Variants in UBE4B observed in about 807,000 individuals in gnomAD.
UBE4B encodes the protein ubiquitination factor E4B, also known as ubiquitin conjugation factor E4 B.
In UBE4B, 27 loss-of-function variants were observed where a neutral mutation model predicts 148.1. The observed-to-expected ratio is 0.18, with a 90% CI of 0.13 to 0.25. The LOEUF is 0.25. UBE4B is among the 10% of genes least tolerant of loss of function. UBE4B has a pLI of 1.00. For synonymous variants in UBE4B, 596 were observed against 619.3 expected, an observed-to-expected ratio of 0.96 and a Z score of 0.56; for missense variants, 1,170 against 1,662.4, an observed-to-expected ratio of 0.70 and a Z score of 5.15.
At chr1:10,082,522 C>T (rs1009103641) in intron 2 of UBE4B, among the ~76,000 whole-genome samples, 1 of 151,578 alleles carries the variant, frequency 6.6e-6, no homozygotes, top group Admixed American at 6.6e-5. Context: ...CAAACAAAAC[C>T]ACAAAATCTT....
At chr1:10,042,353 TAAAA>T (rs1395703275) in intron 1 of UBE4B, among the ~76,000 whole-genome samples, 1 of 151,946 alleles carries the variant, frequency 6.6e-6, no homozygotes, top group Non-Finnish European at 1.5e-5. Context: ...AGGAGAGGGA[TAAAA>T]AACAAGCATG....
At chr1:10,175,462 T>A (rs7556506) in intron 25 of UBE4B, among the ~76,000 whole-genome samples, 1 of 150,554 alleles carries the variant, frequency 6.6e-6, no homozygotes, top group Non-Finnish European at 1.5e-5. Context: ...CCGTCCTGGC[T>A]AACACGGTGA....
chr1:10,144,504 G>A (rs963108239), intron 17 of UBE4B, among the ~76,000 whole-genome samples: 1 of 152,066 alleles, frequency 6.6e-6, no homozygotes, highest in African/African-American at 2.4e-5. Context: ...GGGAGGCTGG[G>A]GCAGGCAGAC....
At chr1:10,152,259 AAATAATAAT>A (rs60838123) in intron 21 of UBE4B, among the ~76,000 whole-genome samples, 7,395 of 141,298 alleles carry the variant, frequency 0.052, 516 homozygotes, top group East Asian at 0.22. Context: ...ACTCCGTCTC[AAATAATAAT>A]AATAATAATA....
chr1:10,129,876 C>T (rs1365514131), intron 12 of UBE4B, among the ~76,000 whole-genome samples: 4 of 152,104 alleles, frequency 2.6e-5, no homozygotes, highest in African/African-American at 9.7e-5. Flanking sequence ...TGGTCTCGAA[C>T]TACTGACCTC....
At chr1:10,154,856 A>AG (rs1553153117) in intron 21 of UBE4B, among the ~76,000 whole-genome samples, 1 of 152,014 alleles carries the variant, frequency 6.6e-6, no homozygotes, top group African/African-American at 2.4e-5. Context: ...AAAAAAAAAA[A>AG]GGAATGTAGG....
chr1:10,168,249 C>A lies in UBE4B; in HGVS notation c.3312C>A (p.Val1104=), dbSNP rs767824895. The change falls in exon 24 of 28, where the codon GTC becomes GTA. Residue 1104 remains valine, a synonymous_variant. Transcript: ENST00000343090. The surrounding 1 kb of genome is among the most constrained non-coding windows in gnomAD (Gnocchi z 4.9). ...VDMFHILTKQ[V]QKPFLRPELG... ...TGTTCCACATCCTCACGAAGCAGGT[C>A]CAGAAGCCCTTCCTCAGACCGGTGA... 1 of 1,614,134 alleles carries A rather than the reference C, an allele frequency of 6.2e-7. No individual in the cohort carries two copies. Among genetic ancestry groups the A allele is most frequent in the Non-Finnish European group, 8.5e-7 (1 of 1,180,022 alleles).
At chr1:10,099,105 G>A (rs1381011042) in intron 3 of UBE4B, among the ~76,000 whole-genome samples, 2 of 152,108 alleles carry the variant, frequency 1.3e-5, no homozygotes, top group South Asian at 2.1e-4. Context: ...AGCCGGGCAT[G>A]GTGGTGCGTG....
At chr1:10,163,564 A>C (rs1646200926) in intron 23 of UBE4B, among the ~76,000 whole-genome samples, 1 of 151,810 alleles carries the variant, frequency 6.6e-6, no homozygotes, top group Admixed American at 6.6e-5. Flanking sequence ...GCTACTTGAG[A>C]GGCTGAGGCA....
At position 10,178,800 on chromosome 1, in the gene UBE4B, G is replaced by A. The variant is rs1271316749; in HGVS notation, c.3682G>A (p.Ala1228Thr). The A allele has an allele frequency of 6.2e-7, 1 of 1,609,640 alleles. No homozygotes were observed. The highest frequency in any genetic ancestry group is 8.5e-7 in the Non-Finnish European group (1 of 1,178,722). The change falls in exon 26 of 28, where the codon GCT (alanine) becomes ACT (threonine). Residue 1228 changes from alanine (A) to threonine (T), a missense_variant. Physicochemically the swap from Ala to Thr is moderately conservative, Grantham distance 58. This residue lies in a region of UBE4B where 348 missense variants were observed against 627.2 expected (regional missense o/e 0.55). Transcript: ENST00000343090. Reference protein sequence around the residue: ...NARAEIDYSDAPDEFRDPLMD... With the variant: ...NARAEIDYSDTPDEFRDPLMD... ...ACGCGCAGAAATCGACTACAGCGAC[G>A]CTCCTGATGAGTTCAGAGGCAAGTG...
At chr1:10,176,476 GTTTCCATTCT>G (rs905712647) in intron 25 of UBE4B, among the ~76,000 whole-genome samples, 1 of 152,044 alleles carries the variant, frequency 6.6e-6, no homozygotes, top group Non-Finnish European at 1.5e-5. Context: ...TAAGGTTTAA[GTTTCCATTCT>G]TTTTCATTTT....
chr1:10,044,736 C>T (rs1007223907), intron 1 of UBE4B, among the ~76,000 whole-genome samples: 1 of 152,252 alleles, frequency 6.6e-6, no homozygotes, highest in Middle Eastern at 3.4e-3. Context: ...CGCACGCCAT[C>T]ATGCCCGGCT....
intron 1 of UBE4B, among the ~76,000 whole-genome samples, chr1:10,043,194 A>G (rs563185159): frequency 6.6e-6 from 1 of 151,360 alleles, no homozygotes; most frequent in Non-Finnish European, 1.5e-5. Context: ...TTCTTAGCAC[A>G]GTTGGAGTTT....
At chr1:10,134,900 G>A (rs1279196520) in intron 15 of UBE4B, 88 bp from the exon 16 acceptor site, 31 of 1,141,886 alleles carry the variant, frequency 2.7e-5, no homozygotes, top group Non-Finnish European at 3.0e-5. Context: ...ACACCCCTTC[G>A]CTCCAGCCTG....
chr1:10,177,798 A>T (rs1646449263), intron 25 of UBE4B, among the ~76,000 whole-genome samples: 2 of 152,196 alleles, frequency 1.3e-5, no homozygotes. Context: ...CTATAAATAC[A>T]AACTACAGCA....
chr1:10,126,349 A>G (rs960463009), intron 10 of UBE4B, among the ~76,000 whole-genome samples: 2 of 151,928 alleles, frequency 1.3e-5, no homozygotes, highest in Non-Finnish European at 2.9e-5. Flanking sequence ...ATAGATAGAT[A>G]GATAGAAAGG....
intron 1 of UBE4B, among the ~76,000 whole-genome samples, chr1:10,055,921 A>G (rs887106529): frequency 1.3e-5 from 2 of 151,682 alleles, no homozygotes; most frequent in African/African-American, 4.9e-5. Flanking sequence ...TCTGTCTCAA[A>G]AAAACAAAAC....
intron 3 of UBE4B, 134 bp from the exon 4 acceptor site, chr1:10,100,974 G>T (rs1645001273): frequency 2.8e-6 from 2 of 709,192 alleles, no homozygotes; most frequent in Non-Finnish European, 4.7e-6. Flanking sequence ...AAATTAATAA[G>T]AAAAAAGATG....
Position 10,117,523 on chromosome 1 carries a change from T to C in UBE4B, c.1261T>C (p.Cys421Arg). 3 of 1,612,610 alleles carry C rather than the reference T, an allele frequency of 1.9e-6. No homozygotes were observed. Among genetic ancestry groups the C allele is most frequent in the South Asian group, 2.2e-5 (2 of 90,838 alleles). The part of the protein sequence containing the change: ...SYSDHFTIET[C>R]KETDMLNYLI... ...CAGTGACCATTTCACCATTGAAACC[T>C]GCAAAGAGACAGATATGCTGAACTA... Residue 421 changes from cysteine (C) to arginine (R), a missense_variant, in exon 8 of 28, where the codon TGC becomes CGC. Transcript: ENST00000343090.
Sources: gnomAD v4.1 joint callset for allele counts (sites outside exome capture counted in the v4.1 genomes callset) on GRCh38, gnomAD v4.1.1 for gene constraint, gnomAD v4.1.1 regional missense constraint, Gnocchi (gnomAD v3.1) non-coding constraint, MANE v1.5 for transcripts, NCBI Gene and HGNC (gene_info 2026-07-23, HGNC 2026-07-21) for gene names.